Variants in IRAK4 observed in about 807,000 individuals in gnomAD.
IRAK4 encodes the protein interleukin-1 receptor-associated kinase 4.
IRAK4 carries 44 observed loss-of-function variants against 51.8 expected under a neutral mutation model. The ratio of observed to expected loss-of-function variants is 0.85; its 90% confidence interval spans 0.67 to 1.09. IRAK4 has a LOEUF of 1.09. Ranked by LOEUF, IRAK4 falls within the 50% of genes least tolerant of loss-of-function variation. The probability of loss-of-function intolerance (pLI) is 0.00; values close to 1 mark genes in which losing one functional copy is unlikely to be tolerated. For synonymous variants in IRAK4, 149 were observed against 174.1 expected, an observed-to-expected ratio of 0.86 and a Z score of 1.13; for missense variants, 487 against 538.0, an observed-to-expected ratio of 0.91 and a Z score of 0.94.
chr12:43,782,814 T>G (rs1259553841), intron 9 of IRAK4, among the ~76,000 whole-genome samples: 1 of 152,184 alleles, frequency 6.6e-6, no homozygotes, highest in Non-Finnish European at 1.5e-5. Flanking sequence ...CTAATCTACC[T>G]CTCTATTCCC....
chr12:43,762,768 T>C (rs1939701215), intron 1 of IRAK4, among the ~76,000 whole-genome samples: 1 of 152,186 alleles, frequency 6.6e-6, no homozygotes, highest in South Asian at 2.1e-4. Context: ...CTTGAAGGAA[T>C]AATAGGCATT....
intron 5 of IRAK4, 119 bp from the exon 6 acceptor site, chr12:43,773,846 G>A: frequency 1.4e-6 from 1 of 695,962 alleles, no homozygotes; most frequent in Non-Finnish European, 2.6e-6. Flanking sequence ...TGTAGAATTG[G>A]GAGAATAATA....
Position 43,788,050 on chromosome 12 carries a change from C to A in IRAK4, c.*1335C>A, listed in dbSNP as rs1330582509. The A allele has an allele frequency of 3.3e-5, 5 of 151,944 alleles. No individual in the cohort carries two copies. Among genetic ancestry groups the A allele is most frequent in the Non-Finnish European group, 5.9e-5 (4 of 68,076 alleles). The allele number at this position is 151,944 out of a possible 1,614,324, so 9.4% of individuals were successfully genotyped here. On this transcript the variant is annotated 3_prime_UTR_variant, in exon 12 of 12. Coordinates refer to ENST00000613694, the MANE Select transcript of IRAK4 (RefSeq NM_016123.4). ...CCAGCCTGGGTGACAGAGTGAGACT[C>A]CATCATAAATAAATAAATAAATAAA...
intron 1 of IRAK4, among the ~76,000 whole-genome samples, chr12:43,765,588 G>C (rs1387627825): frequency 5.3e-5 from 8 of 150,362 alleles, no homozygotes; most frequent in Non-Finnish European, 1.2e-4. Flanking sequence ...GTTTAGACAT[G>C]AATGATAAGT....
intron 8 of IRAK4, among the ~76,000 whole-genome samples, chr12:43,778,735 A>G (rs1941519359): frequency 6.6e-6 from 1 of 152,000 alleles, no homozygotes; most frequent in Non-Finnish European, 1.5e-5. Flanking sequence ...TCAAATAAGC[A>G]CAAAATAATT....
Position 43,789,529 on chromosome 12 carries a change from CTT to C in IRAK4, c.*2815_*2816del. On this transcript the variant is annotated 3_prime_UTR_variant, in exon 12 of 12. Transcript: ENST00000613694. Reference sequence around the variant, plus strand: ...AGTTATAGATTGTTTTTATTAAACACTTATGAATACTGTTTGAAGTGCTTTAA... The same window carrying C: ...AGTTATAGATTGTTTTTATTAAACACATGAATACTGTTTGAAGTGCTTTAA... 1.3e-5 allele frequency: 2 copies of C among 152,266 alleles called. No individual in the cohort carries two copies. Among genetic ancestry groups the C allele is most frequent in the Middle Eastern group, 6.8e-3 (2 of 294 alleles). The allele number at this position is 152,266 out of a possible 1,614,324, so 9.4% of individuals were successfully genotyped here.
chr12:43,785,060 A>C (rs536064573), intron 10 of IRAK4, among the ~76,000 whole-genome samples: 1 of 152,126 alleles, frequency 6.6e-6, no homozygotes, highest in African/African-American at 2.4e-5. Flanking sequence ...TCTGAAATCA[A>C]GGTATGGGCA....
chr12:43,763,345 T>G lies in IRAK4; in HGVS notation c.-10+4329T>G, dbSNP rs1939765641. 2.0e-5 allele frequency: 3 copies of G among 152,290 alleles called. No individual in the cohort carries two copies. The South Asian group carries it at 6.2e-4, about 32-fold the overall frequency. 9.4% of individuals were successfully genotyped at this position (152,290 alleles called of 1,614,324 possible). A position where few individuals can be genotyped will look rare whatever the true frequency, so the allele number is the denominator to read the frequency against. On this transcript the variant is annotated intron_variant, in intron 1 of 11. Coordinates refer to ENST00000613694, the MANE Select transcript of IRAK4 (RefSeq NM_016123.4). ...CATCAACCAAAACAACATGCTGCAG[T>G]GGGTTGAGTGCAGAAGCAGATACAA...
chr12:43,777,384 G>A (rs773847375), intron 6 of IRAK4, among the ~76,000 whole-genome samples: 9 of 151,840 alleles, frequency 5.9e-5, no homozygotes, highest in Non-Finnish European at 1.2e-4. Flanking sequence ...GTTAGACCCT[G>A]TCTCAAAAAA....
In IRAK4 at chr12:43,770,501, C is replaced by A. The variant is rs151227472; in HGVS notation, c.162-719C>A. ...AGCCTGGCTTTTTCACTAGTAAATT[C>A]ATATGATAATCATAATATCTTTGAA... On this transcript the variant is annotated intron_variant, in intron 2 of 11. Transcript: ENST00000613694. Among the ~76,000 whole-genome samples the A allele has an allele frequency of 8.8e-3, 1,346 of 152,290 alleles. 21 individuals carry two copies. Among genetic ancestry groups the A allele is most frequent in the African/African-American group, 0.031 (1,292 of 41,554 alleles).
At chr12:43,765,188 C>T (rs750715611) in intron 1 of IRAK4, among the ~76,000 whole-genome samples, 17 of 152,222 alleles carry the variant, frequency 1.1e-4, no homozygotes, top group Admixed American at 2.0e-4. Context: ...GGAAAGTTTG[C>T]TCAACTTTAA....
chr12:43,772,094 AT>A (rs1940827132), intron 3 of IRAK4, 85 bp from the exon 4 acceptor site: 1 of 1,047,078 alleles, frequency 9.6e-7, no homozygotes, highest in African/African-American at 1.6e-5. Flanking sequence ...CTGGAATGAT[AT>A]TAAATGAACC....
chr12:43,782,162 G>A (rs1941828690), intron 8 of IRAK4, 145 bp from the exon 9 acceptor site: 4 of 642,108 alleles, frequency 6.2e-6, no homozygotes, highest in Non-Finnish European at 1.1e-5. Flanking sequence ...ACTATAAAAC[G>A]TTACACTCTG....
intron 2 of IRAK4, among the ~76,000 whole-genome samples, chr12:43,769,166 A>G (rs1385995385): frequency 6.6e-6 from 1 of 151,740 alleles, no homozygotes; most frequent in Non-Finnish European, 1.5e-5. Flanking sequence ...TTTTTCCAAG[A>G]CTCATTCCTG....
chr12:43,772,320 T>C lies in IRAK4; in HGVS notation c.448T>C (p.Ser150Pro). Residue 150 changes from serine (S) to proline (P), a missense_variant, in exon 4 of 12, where the codon TCC (serine) becomes CCC (proline). Physicochemically the swap from Ser to Pro is moderately conservative, Grantham distance 74. Transcript: ENST00000613694. ...NLEQSYMPPD[S>P]SSPENKSLEV... ...TGAACAAAGCTATATGCCACCTGAC[T>C]CCTCAAGTCCAGAAAATAAAAGTTT... The C allele has an allele frequency of 1.2e-6, 2 of 1,613,350 alleles. No homozygotes were observed. Among genetic ancestry groups the C allele is most frequent in the Non-Finnish European group, 1.7e-6 (2 of 1,179,928 alleles).
chr12:43,787,068 T>C lies in IRAK4; in HGVS notation c.*353T>C, dbSNP rs1245568923. On this transcript the variant is annotated 3_prime_UTR_variant, in exon 12 of 12. Coordinates refer to ENST00000613694, the MANE Select transcript of IRAK4 (RefSeq NM_016123.4). ...CCAGCTGACTCCACTACTAATTTGC[T>C]GTAAAGCTTTGGACATACACTTAGC... 3 of 253,872 alleles carry C rather than the reference T, an allele frequency of 1.2e-5. No homozygotes were observed. The highest frequency in any genetic ancestry group is 2.3e-5 in the Non-Finnish European group (3 of 132,362). The allele number at this position is 253,872 out of a possible 1,614,324, so 15.7% of individuals were successfully genotyped here.
At chr12:43,777,520 A>G in intron 6 of IRAK4, 110 bp from the exon 7 acceptor site, 1 of 893,222 alleles carries the variant, frequency 1.1e-6, no homozygotes, top group Non-Finnish European at 1.6e-6. Context: ...ATAATATATA[A>G]CATACTATTT....
intron 2 of IRAK4, among the ~76,000 whole-genome samples, chr12:43,770,386 C>G (rs1246493740): frequency 6.6e-6 from 1 of 152,096 alleles, no homozygotes. Flanking sequence ...TAAGAATACA[C>G]TCTTTTGTCA....
chr12:43,767,984 T>C (rs1940344409), intron 1 of IRAK4, 119 bp from the exon 2 acceptor site: 11 of 701,324 alleles, frequency 1.6e-5, no homozygotes, highest in Non-Finnish European at 2.7e-5. Context: ...AATGTTTCTT[T>C]ATTATGGTAT....
Sources: allele counts gnomAD v4.1 joint callset (sites outside exome capture counted in the v4.1 genomes callset), GRCh38; gene constraint gnomAD v4.1.1; transcripts MANE v1.5; gene names NCBI Gene and HGNC (gene_info 2026-07-23, HGNC 2026-07-21).